PPP3CA: variants seen among roughly 807,000 people sequenced by gnomAD.
The protein encoded by PPP3CA is CAM-PRP catalytic subunit.
Under a neutral mutation model 66.5 loss-of-function variants are expected in PPP3CA, and 14 were observed. The observed-to-expected ratio is 0.21, with a 90% CI of 0.14 to 0.33. The LOEUF (loss-of-function observed/expected upper bound fraction) is 0.33. PPP3CA is among the 10% of genes least tolerant of loss of function. PPP3CA has a pLI of 1.00. For missense variants in PPP3CA, 317 were observed against 639.5 expected (o/e 0.50, Z 5.44); for synonymous variants, 232 against 226.2 (o/e 1.03, Z -0.23).
At chr4:101,124,038 A>C (rs896439801) in intron 2 of PPP3CA, among the ~76,000 whole-genome samples, 2 of 152,218 alleles carry the variant, frequency 1.3e-5, no homozygotes, top group African/African-American at 4.8e-5. Flanking sequence ...ACTTGATTAG[A>C]ACTATCCCCT....
At chr4:101,313,019 C>G (rs914282838) in intron 1 of PPP3CA, among the ~76,000 whole-genome samples, 13 of 152,108 alleles carry the variant, frequency 8.5e-5, no homozygotes, top group Admixed American at 2.6e-4. Flanking sequence ...TCTTTCCTTC[C>G]CTTCTTCCAA....
At chr4:101,224,681 G>A (rs550180602) in intron 1 of PPP3CA, among the ~76,000 whole-genome samples, 151 of 151,906 alleles carry the variant, frequency 9.9e-4, no homozygotes, top group Non-Finnish European at 1.9e-3. Context: ...CAAATATAAA[G>A]TCTTCTGAAA....
At chr4:101,071,608 T>G (rs1186656126) in intron 8 of PPP3CA, among the ~76,000 whole-genome samples, 1 of 152,190 alleles carries the variant, frequency 6.6e-6, no homozygotes, top group African/African-American at 2.4e-5. Context: ...TTAAGATGGA[T>G]TTTTTGATTG....
chr4:101,086,005 C>A (rs1001441582), intron 6 of PPP3CA, among the ~76,000 whole-genome samples: 1 of 152,026 alleles, frequency 6.6e-6, no homozygotes, highest in African/African-American at 2.4e-5. Flanking sequence ...TGTTAGAAGA[C>A]AGTATTAGCT....
Position 101,151,999 on chromosome 4 carries a change from T to C in PPP3CA, c.260-42921A>G, listed in dbSNP as rs77881044. ...TACATATGCAAATATTTTATTATTC[T>C]GGAAATACAAAATAGAAAAACCTCA... On this transcript the variant is annotated intron_variant, in intron 2 of 13. Transcript: ENST00000394854. 6.7e-4 allele frequency among the ~76,000 whole-genome samples: 102 copies of C among 152,272 alleles called. 1 individual carries two copies. The East Asian group carries it at 0.019, about 28-fold the overall frequency.
At chr4:101,076,648 G>A (rs1729204933) in intron 8 of PPP3CA, among the ~76,000 whole-genome samples, 1 of 152,124 alleles carries the variant, frequency 6.6e-6, no homozygotes, top group African/African-American at 2.4e-5. Context: ...GAAACAGAAA[G>A]CCAAAGTTGC....
intron 1 of PPP3CA, among the ~76,000 whole-genome samples, chr4:101,233,459 A>C (rs752814451): frequency 2.4e-4 from 36 of 151,882 alleles, no homozygotes; most frequent in Non-Finnish European, 4.1e-4. Flanking sequence ...TGCATTTAAC[A>C]ATTTGGTTTC....
At chr4:101,163,074 G>A (rs1723570930) in intron 2 of PPP3CA, among the ~76,000 whole-genome samples, 1 of 152,118 alleles carries the variant, frequency 6.6e-6, no homozygotes, top group Non-Finnish European at 1.5e-5. Context: ...ACTGACTACA[G>A]GTTTTGGTAA....
At chr4:101,080,432 A>G (rs1560591472) in intron 8 of PPP3CA, 100 bp downstream of exon 8, 9 of 539,974 alleles carry the variant, frequency 1.7e-5, no homozygotes, top group Non-Finnish European at 2.6e-5. Context: ...TTTTAAAAAA[A>G]AAGACTGGTT....
chr4:101,274,533 A>G (rs1578618357), intron 1 of PPP3CA, among the ~76,000 whole-genome samples: 1 of 152,222 alleles, frequency 6.6e-6, no homozygotes, highest in East Asian at 1.9e-4. Flanking sequence ...TACAGAAAAT[A>G]CTAAACCCAC....
At chr4:101,291,859 T>C (rs1279696918) in intron 1 of PPP3CA, among the ~76,000 whole-genome samples, 3 of 152,152 alleles carry the variant, frequency 2.0e-5, no homozygotes, top group African/African-American at 7.2e-5. Context: ...CCAGTCACAG[T>C]GGCTCACACC....
At position 101,165,723 on chromosome 4, in the gene PPP3CA, A is replaced by G. The variant is rs373886126; in HGVS notation, c.259+30193T>C. On this transcript the variant is annotated intron_variant, in intron 2 of 13. Coordinates refer to ENST00000394854, the MANE Select transcript of PPP3CA (RefSeq NM_000944.5). ...GCACAAAGCAGCCTTTTATGAAACA[A>G]TAGGTAATTTACATGAAAATAAAAG... Among the ~76,000 whole-genome samples, 432 of 152,290 alleles carry G rather than the reference A, an allele frequency of 2.8e-3. 5 individuals carry two copies. Among genetic ancestry groups the G allele is most frequent in the African/African-American group, 9.8e-3 (406 of 41,576 alleles).
At chr4:101,193,368 T>A (rs148836073) in intron 2 of PPP3CA, among the ~76,000 whole-genome samples, 4 of 152,176 alleles carry the variant, frequency 2.6e-5, no homozygotes, top group African/African-American at 7.2e-5. Context: ...GGGAAAAAAA[T>A]GTCAAAGAGG....
At chr4:101,217,739 C>T (rs1336596574) in intron 1 of PPP3CA, among the ~76,000 whole-genome samples, 1 of 152,062 alleles carries the variant, frequency 6.6e-6, no homozygotes, top group Non-Finnish European at 1.5e-5. Context: ...CCAGATACAT[C>T]CCCAAATCTA....
rs970108326 is a variant in PPP3CA at position 101,281,368 on chromosome 4, A to G, written c.58+65371T>C. Among the ~76,000 whole-genome samples, 8 of 152,226 alleles carry G rather than the reference A, an allele frequency of 5.3e-5. 1 individual carries two copies. The East Asian group carries it at 1.5e-3, about 29-fold the overall frequency. Reference sequence around the variant, plus strand: ...GTAAAAACTATGGCATCTTCTGCTAATGAGTATGATCCAACAAAGAATAGA... The same window carrying G: ...GTAAAAACTATGGCATCTTCTGCTAGTGAGTATGATCCAACAAAGAATAGA... On this transcript the variant is annotated intron_variant, in intron 1 of 13. Coordinates refer to ENST00000394854, the MANE Select transcript of PPP3CA (RefSeq NM_000944.5).
At chr4:101,106,383 A>C (rs965231725) in intron 3 of PPP3CA, among the ~76,000 whole-genome samples, 1 of 4,124 alleles carries the variant, frequency 2.4e-4, no homozygotes, top group Admixed American at 4.3e-3. Context: ...AAAAGAAAGA[A>C]AGAAAGAAAG....
intron 1 of PPP3CA, among the ~76,000 whole-genome samples, chr4:101,229,563 C>A (rs1244635450): frequency 6.6e-6 from 1 of 151,110 alleles, no homozygotes; most frequent in African/African-American, 2.4e-5. Context: ...TTATTCTTTG[C>A]AAAAGTAAAC....
intron 1 of PPP3CA, among the ~76,000 whole-genome samples, chr4:101,275,752 A>C (rs1325085832): frequency 6.6e-6 from 1 of 152,036 alleles, no homozygotes; most frequent in East Asian, 1.9e-4. Context: ...ACTGCTTTTC[A>C]ATCTTCTTGG....
intron 1 of PPP3CA, among the ~76,000 whole-genome samples, chr4:101,293,075 A>G (rs1728082239): frequency 6.6e-6 from 1 of 152,208 alleles, no homozygotes; most frequent in Non-Finnish European, 1.5e-5. Flanking sequence ...CAGAGAATGC[A>G]TGACTGGTGA....
Sources: gnomAD v4.1 joint callset for allele counts (sites outside exome capture counted in the v4.1 genomes callset) on GRCh38, gnomAD v4.1.1 for gene constraint, MANE v1.5 for transcripts, NCBI Gene and HGNC (gene_info 2026-07-23, HGNC 2026-07-21) for gene names.